The following PTPRK variants were observed in gnomAD, a reference collection of about 807,000 sequenced individuals.
The protein encoded by PTPRK is receptor-type tyrosine-protein phosphatase kappa.
In PTPRK, 75 loss-of-function variants were observed where a neutral mutation model predicts 178.0. The observed-to-expected ratio is 0.42, with a 90% confidence interval of 0.35 to 0.51. The LOEUF is 0.51. Ranked by LOEUF, PTPRK falls within the 20% of genes least tolerant of loss-of-function variation. PTPRK has a pLI of 0.02. For synonymous variants in PTPRK, 637 were observed against 620.6 expected (o/e 1.03, Z -0.39); for missense variants, 1,441 against 1,797.8 (o/e 0.80, Z 3.59).
At chr6:128,425,990 T>C (rs1422331438) in intron 1 of PTPRK, among the ~76,000 whole-genome samples, 2 of 152,260 alleles carry the variant, frequency 1.3e-5, no homozygotes, top group Non-Finnish European at 2.9e-5. Context: ...GAATCTTTAA[T>C]ATGTAATGTT....
chr6:128,324,159 T>C (rs1449505480), intron 2 of PTPRK, among the ~76,000 whole-genome samples: 1 of 152,096 alleles, frequency 6.6e-6, no homozygotes, highest in Non-Finnish European at 1.5e-5. Flanking sequence ...GTAGCCTATT[T>C]CTCCACTACT....
chr6:128,172,727 CACAT>C (rs1001922212), intron 7 of PTPRK, among the ~76,000 whole-genome samples: 2 of 150,342 alleles, frequency 1.3e-5, no homozygotes, highest in East Asian at 2.0e-4. Flanking sequence ...ATATGATATG[CACAT>C]ACATATACAC....
chr6:128,464,225 T>C (rs1313850433), intron 1 of PTPRK, among the ~76,000 whole-genome samples: 8 of 151,982 alleles, frequency 5.3e-5, no homozygotes, highest in Non-Finnish European at 1.0e-4. Flanking sequence ...AGCTAAACAG[T>C]TGCTTCAACA....
intron 7 of PTPRK, among the ~76,000 whole-genome samples, chr6:128,169,153 A>G (rs1799841630): frequency 6.6e-6 from 1 of 152,128 alleles, no homozygotes; most frequent in African/African-American, 2.4e-5. Context: ...TGAAGACTAT[A>G]GTTAATAATA....
intron 3 of PTPRK, among the ~76,000 whole-genome samples, chr6:128,315,964 T>C (rs1034580336): frequency 1.3e-5 from 2 of 152,164 alleles, no homozygotes; most frequent in Non-Finnish European, 2.9e-5. Flanking sequence ...TGGAAAGCCC[T>C]AAAAACTAGA....
At chr6:128,505,608 C>T (rs1259419614) in intron 1 of PTPRK, among the ~76,000 whole-genome samples, 8 of 152,166 alleles carry the variant, frequency 5.3e-5, no homozygotes, top group Non-Finnish European at 1.2e-4. Context: ...TTCAAGCCTG[C>T]AGTGCAAAGA....
intron 1 of PTPRK, among the ~76,000 whole-genome samples, chr6:128,479,348 C>A (rs1332067041): frequency 6.6e-6 from 1 of 152,116 alleles, no homozygotes; most frequent in Non-Finnish European, 1.5e-5. Flanking sequence ...TTTTGGCCAT[C>A]CTCATGTAGA....
intron 2 of PTPRK, among the ~76,000 whole-genome samples, chr6:128,379,675 CA>C (rs1278422743): frequency 6.6e-6 from 1 of 152,116 alleles, no homozygotes; most frequent in Non-Finnish European, 1.5e-5. Flanking sequence ...AGAAAAGGAA[CA>C]ATTTTTTATA....
At position 128,305,619 on chromosome 6, in the gene PTPRK, A is replaced by C. The variant is rs113799031; in HGVS notation, c.495+16420T>G. On this transcript the variant is annotated intron_variant, in intron 3 of 29. Coordinates refer to ENST00000368226, the MANE Select transcript of PTPRK (RefSeq NM_002844.4). ...ACAAGTAATTTAGGAAAGAAAGGCT[A>C]TCCATGCAGGTTGAAAATTGGATCT... Among the ~76,000 whole-genome samples the C allele has an allele frequency of 6.3e-3, 963 of 152,328 alleles. 13 individuals are homozygous for C. The highest frequency in any genetic ancestry group is 0.022 in the African/African-American group (922 of 41,574).
intron 6 of PTPRK, among the ~76,000 whole-genome samples, chr6:128,203,219 T>G (rs2128259439): frequency 6.6e-6 from 1 of 152,250 alleles, no homozygotes; most frequent in South Asian, 2.1e-4. Context: ...TCAATGGAAT[T>G]CAATATCTCT....
intron 1 of PTPRK, among the ~76,000 whole-genome samples, chr6:128,513,424 A>G (rs2128444473): frequency 6.6e-6 from 1 of 151,572 alleles, no homozygotes; most frequent in Admixed American, 6.6e-5. Flanking sequence ...CAGAAGTTTC[A>G]GTGAGCCGAG....
chr6:128,495,820 C>T (rs1022260631), intron 1 of PTPRK, among the ~76,000 whole-genome samples: 13 of 152,330 alleles, frequency 8.5e-5, no homozygotes, highest in Admixed American at 8.5e-4. Context: ...CTCTCCTTCA[C>T]GCCTCTTCCC....
At chr6:128,038,218 T>G (rs1011971030) in intron 13 of PTPRK, among the ~76,000 whole-genome samples, 1 of 152,202 alleles carries the variant, frequency 6.6e-6, no homozygotes, top group African/African-American at 2.4e-5. Flanking sequence ...AGGAGAAATT[T>G]AAAATACTAA....
chr6:127,978,679 ATCTAC>A (rs1392367172), intron 25 of PTPRK, among the ~76,000 whole-genome samples: 1 of 152,220 alleles, frequency 6.6e-6, no homozygotes. Context: ...ACTGACGGCT[ATCTAC>A]TCATTTTTTG....
chr6:128,332,365 C>T (rs1167422393), intron 2 of PTPRK, among the ~76,000 whole-genome samples: 2 of 152,318 alleles, frequency 1.3e-5, no homozygotes, highest in East Asian at 3.9e-4. Context: ...CTACTTCCTA[C>T]ACATCTATTT....
intron 7 of PTPRK, among the ~76,000 whole-genome samples, chr6:128,122,068 G>T (rs922302906): frequency 2.0e-5 from 3 of 152,000 alleles, no homozygotes; most frequent in Admixed American, 2.0e-4. Flanking sequence ...TCTGTTAATT[G>T]TTCTATTTGA....
chr6:128,201,886 G>T (rs1465828475), intron 6 of PTPRK, among the ~76,000 whole-genome samples: 1 of 152,036 alleles, frequency 6.6e-6, no homozygotes, highest in Non-Finnish European at 1.5e-5. Flanking sequence ...AAGAATCATT[G>T]AAATTTAAGG....
At chr6:127,995,170 C>G in intron 18 of PTPRK, 1 of 1,352,566 alleles carries the variant, frequency 7.4e-7, no homozygotes, top group Non-Finnish European at 1.0e-6. Context: ...CTAGTAGTAA[C>G]AGAGCGTTAG....
chr6:128,398,786 A>G (rs1425495285), intron 1 of PTPRK, among the ~76,000 whole-genome samples: 1 of 152,080 alleles, frequency 6.6e-6, no homozygotes, highest in Non-Finnish European at 1.5e-5. Context: ...AATCACTTTC[A>G]CCGTTCCCAC....
Sources: allele counts gnomAD v4.1 joint callset (sites outside exome capture counted in the v4.1 genomes callset), GRCh38; gene constraint gnomAD v4.1.1; transcripts MANE v1.5; gene names NCBI Gene and HGNC (gene_info 2026-07-23, HGNC 2026-07-21).